The following HEMK2 variants were observed in gnomAD, a reference collection of about 807,000 sequenced individuals.
HEMK2 encodes methyltransferase HEMK2.
the HEMK2 span, among the ~76,000 whole-genome samples, chr21:28,743,032 G>A: frequency 2.4e-4 from 37 of 152,216 alleles, 1 homozygote; most frequent in Admixed American, 2.3e-3. Context: ...CAATGAAACT[G>A]TTCAAAAATG....
chr21:28,696,115 T>G, the HEMK2 span, among the ~76,000 whole-genome samples: 2 of 152,100 alleles, frequency 1.3e-5, no homozygotes, highest in East Asian at 1.9e-4. Flanking sequence ...GGGTTTCCCC[T>G]TATAAAACCA....
chr21:28,686,320 T>C, the HEMK2 span, among the ~76,000 whole-genome samples: 2 of 152,090 alleles, frequency 1.3e-5, no homozygotes, highest in African/African-American at 2.4e-5. Context: ...CCACAACCTC[T>C]GCCTCCCAGG....
the HEMK2 span, among the ~76,000 whole-genome samples, chr21:28,864,808 A>AGAT: frequency 4.8e-5 from 5 of 103,212 alleles, no homozygotes; most frequent in African/African-American, 1.0e-4. Context: ...CTCTCTCTGA[A>AGAT]AGACAGACAG....
the HEMK2 span, among the ~76,000 whole-genome samples, chr21:28,604,786 G>A: frequency 6.6e-6 from 1 of 152,140 alleles, no homozygotes; most frequent in Non-Finnish European, 1.5e-5. Flanking sequence ...CACACCATTT[G>A]CTTTTTAGCT....
the HEMK2 span, chr21:28,879,848 T>A: frequency 4.0e-6 from 6 of 1,487,616 alleles, no homozygotes; most frequent in Non-Finnish European, 4.5e-6. Context: ...TATTAATAAT[T>A]AAATTTTGTT....
the HEMK2 span, among the ~76,000 whole-genome samples, chr21:28,613,878 A>G: frequency 6.6e-6 from 1 of 152,164 alleles, no homozygotes; most frequent in Non-Finnish European, 1.5e-5. Flanking sequence ...TAGGACTTAC[A>G]TTTCCATTGT....
At chr21:28,723,985 G>A in the HEMK2 span, among the ~76,000 whole-genome samples, 3 of 152,048 alleles carry the variant, frequency 2.0e-5, no homozygotes, top group African/African-American at 7.3e-5. Flanking sequence ...TGACACCAAG[G>A]CCTCAGCAAT....
the HEMK2 span, among the ~76,000 whole-genome samples, chr21:28,697,898 A>T: frequency 1.3e-5 from 2 of 152,108 alleles, no homozygotes; most frequent in African/African-American, 4.8e-5. Context: ...AAACAATGGG[A>T]ATTTATTTCT....
the HEMK2 span, among the ~76,000 whole-genome samples, chr21:28,668,024 G>A: frequency 3.3e-5 from 5 of 152,258 alleles, no homozygotes; most frequent in East Asian, 9.7e-4. Flanking sequence ...TCCTTTGGGG[G>A]AAAATTTAGT....
At chr21:28,661,569 T>C in the HEMK2 span, among the ~76,000 whole-genome samples, 1 of 152,070 alleles carries the variant, frequency 6.6e-6, no homozygotes, top group African/African-American at 2.4e-5. Context: ...TGCAAATATA[T>C]ATATATATAT....
the HEMK2 span, among the ~76,000 whole-genome samples, chr21:28,576,886 T>A: frequency 2.6e-3 from 399 of 152,286 alleles, 2 homozygotes; most frequent in Non-Finnish European, 4.4e-3. Flanking sequence ...AATTTTCATA[T>A]TTTTAGTAAA....
chr21:28,845,876 T>C, the HEMK2 span, among the ~76,000 whole-genome samples: 1 of 152,100 alleles, frequency 6.6e-6, no homozygotes, highest in Non-Finnish European at 1.5e-5. Flanking sequence ...GGGTTTCATG[T>C]ATAGATAATT....
chr21:28,658,552 T>C, the HEMK2 span, among the ~76,000 whole-genome samples: 7 of 152,152 alleles, frequency 4.6e-5, no homozygotes, highest in Non-Finnish European at 1.0e-4. Flanking sequence ...CTGCAGGAGG[T>C]TGTAATCTGG....
At chr21:28,827,758 T>C in the HEMK2 span, among the ~76,000 whole-genome samples, 1 of 152,244 alleles carries the variant, frequency 6.6e-6, no homozygotes, top group Non-Finnish European at 1.5e-5. Flanking sequence ...TATAATTGCA[T>C]GCATCTAGTT....
the HEMK2 span, among the ~76,000 whole-genome samples, chr21:28,623,508 C>G: frequency 4.4e-4 from 67 of 152,300 alleles, no homozygotes; most frequent in Non-Finnish European, 8.7e-4. Flanking sequence ...GATTGCAAAC[C>G]ATTCTACTAC....
the HEMK2 span, among the ~76,000 whole-genome samples, chr21:28,716,149 T>C: frequency 2.0e-5 from 3 of 151,956 alleles, no homozygotes; most frequent in Non-Finnish European, 3.0e-5. Flanking sequence ...ATGTGAACTT[T>C]AGTTTTTCTA....
chr21:28,679,089 C>T, the HEMK2 span, among the ~76,000 whole-genome samples: 2 of 152,150 alleles, frequency 1.3e-5, no homozygotes, highest in East Asian at 1.9e-4. Context: ...AATTAAAAGA[C>T]ACAGACTGGC....
chr21:28,759,710 TG>T, the HEMK2 span, among the ~76,000 whole-genome samples: 1 of 152,142 alleles, frequency 6.6e-6, no homozygotes, highest in Non-Finnish European at 1.5e-5. Context: ...CTAATGATAG[TG>T]AATAAGTCTC....
the HEMK2 span, among the ~76,000 whole-genome samples, chr21:28,608,437 A>C: frequency 6.6e-6 from 1 of 151,720 alleles, no homozygotes; most frequent in Non-Finnish European, 1.5e-5. Flanking sequence ...GGCTGATAGG[A>C]GGTAGGACTA....
Sources: allele counts gnomAD v4.1 joint callset (sites outside exome capture counted in the v4.1 genomes callset), GRCh38; gene constraint gnomAD v4.1.1; transcripts MANE v1.5; gene names NCBI Gene and HGNC (gene_info 2026-07-23, HGNC 2026-07-21).